The following PHF2 variants were observed in gnomAD, a reference collection of about 807,000 sequenced individuals.
PHF2 encodes PHD finger protein 2, also known as lysine-specific demethylase PHF2.
Under a neutral mutation model 120.5 loss-of-function variants are expected in PHF2, and 27 were observed. That is an observed-to-expected ratio of 0.22 (90% CI 0.17 to 0.31). The LOEUF is 0.31. PHF2 is among the 10% of genes least tolerant of loss of function. PHF2 has a pLI of 1.00. For synonymous variants in PHF2, 568 were observed against 592.5 expected, an observed-to-expected ratio of 0.96 and a Z score of 0.60; for missense variants, 1,024 against 1,434.8, an observed-to-expected ratio of 0.71 and a Z score of 4.63.
chr9:93,629,176 C>T (rs1209331569), intron 1 of PHF2, among the ~76,000 whole-genome samples: 2 of 152,162 alleles, frequency 1.3e-5, no homozygotes, highest in Non-Finnish European at 2.9e-5. Context: ...GCTGGGATTA[C>T]AGACATGAGC....
intron 16 of PHF2, 48 bp from the exon 17 acceptor site, chr9:93,667,032 T>C: frequency 6.6e-7 from 1 of 1,524,550 alleles, no homozygotes; most frequent in Non-Finnish European, 8.8e-7. Flanking sequence ...CAGGCCACTT[T>C]GGTGGCCAGA....
intron 1 of PHF2, 106 bp downstream of exon 1, chr9:93,576,977 G>GGCCGCC (rs909618337): frequency 1.3e-3 from 419 of 318,538 alleles, no homozygotes; most frequent in Admixed American, 2.3e-3. Flanking sequence ...CTCGGGGACG[G>GGCCGCC]GCCGCCGCCG....
chr9:93,673,105 A>G (rs1022368575), intron 17 of PHF2, among the ~76,000 whole-genome samples: 1 of 151,848 alleles, frequency 6.6e-6, no homozygotes, highest in African/African-American at 2.4e-5. Flanking sequence ...TCTCAGGGTG[A>G]CACATGGGAA....
chr9:93,584,799 G>A (rs1394730103), intron 1 of PHF2, among the ~76,000 whole-genome samples: 1 of 152,202 alleles, frequency 6.6e-6, no homozygotes, highest in Non-Finnish European at 1.5e-5. Context: ...AATTTTGATA[G>A]GGATTGTGTT....
chr9:93,596,170 C>T (rs1184918095), intron 1 of PHF2, among the ~76,000 whole-genome samples: 1 of 152,138 alleles, frequency 6.6e-6, no homozygotes, highest in Non-Finnish European at 1.5e-5. Context: ...GACCTCAGTC[C>T]AGCATGATAC....
intron 14 of PHF2, among the ~76,000 whole-genome samples, chr9:93,664,352 C>T (rs1027869400): frequency 5.3e-5 from 8 of 152,144 alleles, no homozygotes; most frequent in Middle Eastern, 3.2e-3. Context: ...GCTGTGAGCC[C>T]GGTGGCAACC....
chr9:93,662,265 AAATG>A (rs1826584205), intron 12 of PHF2, among the ~76,000 whole-genome samples: 1 of 151,160 alleles, frequency 6.6e-6, no homozygotes, highest in Non-Finnish European at 1.5e-5. Context: ...ATCGATGGAT[AAATG>A]AATGGATGGG....
At chr9:93,578,375 G>A (rs1022786468) in intron 1 of PHF2, among the ~76,000 whole-genome samples, 3 of 152,226 alleles carry the variant, frequency 2.0e-5, no homozygotes, top group African/African-American at 7.2e-5. Context: ...ACTGGCAGCC[G>A]TTGAGAAGTT....
At chr9:93,581,217 C>G (rs1862924124) in intron 1 of PHF2, among the ~76,000 whole-genome samples, 1 of 152,140 alleles carries the variant, frequency 6.6e-6, no homozygotes, top group African/African-American at 2.4e-5. Context: ...CCCACCTAGT[C>G]TTAAGCTTCT....
chr9:93,663,470 C>G, intron 13 of PHF2, 47 bp from the exon 14 acceptor site: 1 of 1,212,118 alleles, frequency 8.3e-7, no homozygotes, highest in Non-Finnish European at 1.2e-6. Context: ...GTCCTGACCC[C>G]CCACTTCTGT....
intron 1 of PHF2, among the ~76,000 whole-genome samples, chr9:93,580,280 C>T (rs1026859421): frequency 1.3e-5 from 2 of 152,206 alleles, no homozygotes; most frequent in Non-Finnish European, 2.9e-5. Context: ...ATTTTTGTGG[C>T]AGGACCTGGC....
At chr9:93,581,212 C>A (rs1362766125) in intron 1 of PHF2, among the ~76,000 whole-genome samples, 1 of 152,120 alleles carries the variant, frequency 6.6e-6, no homozygotes, top group Admixed American at 6.5e-5. Flanking sequence ...TTGTGCCCAC[C>A]TAGTCTTAAG....
chr9:93,626,668 T>C (rs1214028915), intron 1 of PHF2, among the ~76,000 whole-genome samples: 1 of 152,250 alleles, frequency 6.6e-6, no homozygotes, highest in Non-Finnish European at 1.5e-5. Context: ...TTCAGTGTCA[T>C]GAAGATTTAC....
At chr9:93,675,939 A>T (rs1826902449) in intron 20 of PHF2, 150 bp downstream of exon 20, 1 of 618,738 alleles carries the variant, frequency 1.6e-6, no homozygotes, top group African/African-American at 1.8e-5. Flanking sequence ...TTGATTAGAG[A>T]GTGCCCTATT....
chr9:93,645,940 GCT>G, intron 4 of PHF2, 151 bp downstream of exon 4: 1 of 905,732 alleles, frequency 1.1e-6, no homozygotes, highest in Non-Finnish European at 1.6e-6. Context: ...TGTTCCCGGT[GCT>G]CTTAGTTCAG....
intron 3 of PHF2, among the ~76,000 whole-genome samples, chr9:93,644,062 C>T (rs186964668): frequency 1.3e-5 from 2 of 152,206 alleles, no homozygotes; most frequent in African/African-American, 2.4e-5. Context: ...CAATGGACAA[C>T]CCGCAGACTA....
intron 1 of PHF2, among the ~76,000 whole-genome samples, chr9:93,609,982 A>G (rs952427401): frequency 4.6e-5 from 7 of 152,072 alleles, no homozygotes; most frequent in African/African-American, 1.7e-4. Flanking sequence ...GGTGTGAGCC[A>G]CCGCGCCTGA....
chr9:93,590,486 A>G (rs1219514120), intron 1 of PHF2, among the ~76,000 whole-genome samples: 2 of 152,220 alleles, frequency 1.3e-5, no homozygotes, highest in Admixed American at 6.5e-5. Context: ...TGCTCAGTCC[A>G]CAGAGGTGGA....
chr9:93,585,098 G>A (rs185387096), intron 1 of PHF2, among the ~76,000 whole-genome samples: 1 of 152,322 alleles, frequency 6.6e-6, no homozygotes, highest in East Asian at 1.9e-4. Flanking sequence ...TGAATTTACA[G>A]AACTGTACAT....
Sources: gnomAD v4.1 joint callset for allele counts (sites outside exome capture counted in the v4.1 genomes callset) on GRCh38, gnomAD v4.1.1 for gene constraint, MANE v1.5 for transcripts, NCBI Gene and HGNC (gene_info 2026-07-23, HGNC 2026-07-21) for gene names.